Variants in NTM observed in about 807,000 individuals in gnomAD.
NTM encodes the protein IgLON family member 2.
In NTM, 13 loss-of-function variants were observed where a neutral mutation model predicts 42.1. The observed-to-expected ratio is 0.31, with a 90% CI of 0.20 to 0.49. The LOEUF (loss-of-function observed/expected upper bound fraction) is 0.49, where lower values mean the gene tolerates loss of function less well. Ranked by LOEUF, NTM falls within the 20% of genes least tolerant of loss-of-function variation. The pLI is 0.99. For synonymous variants in NTM, 187 were observed against 179.2 expected, an observed-to-expected ratio of 1.04 and a Z score of -0.35; for missense variants, 373 against 452.8, an observed-to-expected ratio of 0.82 and a Z score of 1.60.
At chr11:131,585,115 G>A (rs545853475) in intron 1 of NTM, among the ~76,000 whole-genome samples, 4 of 152,340 alleles carry the variant, frequency 2.6e-5, no homozygotes, top group East Asian at 3.9e-4. Context: ...GGAGGAAGAC[G>A]GGGAAGCAGA....
chr11:132,286,688 C>T (rs909949270), intron 4 of NTM, among the ~76,000 whole-genome samples: 4 of 152,168 alleles, frequency 2.6e-5, no homozygotes, highest in African/African-American at 4.8e-5. Flanking sequence ...CCAGAATGAC[C>T]GCATGGCTCT....
chr11:132,126,116 G>A (rs1296355418), intron 2 of NTM, among the ~76,000 whole-genome samples: 1 of 152,108 alleles, frequency 6.6e-6, no homozygotes, highest in African/African-American at 2.4e-5. Context: ...CCACCTGGGT[G>A]TGTGAACGAG....
At chr11:131,940,758 G>T (rs1163606128) in intron 2 of NTM, among the ~76,000 whole-genome samples, 2 of 152,178 alleles carry the variant, frequency 1.3e-5, no homozygotes, top group Non-Finnish European at 2.9e-5. Flanking sequence ...TTTGTGCCCA[G>T]CCAATATTCA....
chr11:131,715,901 G>T (rs1325000930), intron 1 of NTM, among the ~76,000 whole-genome samples: 1 of 152,162 alleles, frequency 6.6e-6, no homozygotes, highest in Non-Finnish European at 1.5e-5. Context: ...TCAATGATTG[G>T]TGTACATTTA....
intron 2 of NTM, among the ~76,000 whole-genome samples, chr11:132,114,624 A>G (rs2063640051): frequency 6.6e-6 from 1 of 152,204 alleles, no homozygotes; most frequent in Admixed American, 6.5e-5. Context: ...AAGGCAGAGA[A>G]GAGTATGTGA....
chr11:131,457,071 A>G (rs1027426589), intron 1 of NTM, among the ~76,000 whole-genome samples: 2 of 152,238 alleles, frequency 1.3e-5, no homozygotes, highest in Non-Finnish European at 2.9e-5. Flanking sequence ...ATGAATATCT[A>G]TCAAGCATAC....
intron 1 of NTM, among the ~76,000 whole-genome samples, chr11:131,565,801 G>A (rs529895501): frequency 6.6e-6 from 1 of 152,294 alleles, no homozygotes; most frequent in African/African-American, 2.4e-5. Context: ...CCTCACTGGA[G>A]TCATCTAGAG....
chr11:131,806,519 G>A (rs1214110944), intron 1 of NTM, among the ~76,000 whole-genome samples: 1 of 152,046 alleles, frequency 6.6e-6, no homozygotes, highest in Non-Finnish European at 1.5e-5. Context: ...TAAAGATTAT[G>A]AGAAAGATTG....
chr11:131,641,014 C>T (rs2065064670), intron 1 of NTM, among the ~76,000 whole-genome samples: 1 of 152,106 alleles, frequency 6.6e-6, no homozygotes, highest in Non-Finnish European at 1.5e-5. Context: ...CTCAAGAGAC[C>T]CGAAATTGGT....
chr11:131,943,729 A>G (rs1173165554), intron 2 of NTM, among the ~76,000 whole-genome samples: 4 of 152,180 alleles, frequency 2.6e-5, no homozygotes, highest in African/African-American at 9.6e-5. Flanking sequence ...CTCTCTCTGT[A>G]GGTGCCAGTT....
intron 1 of NTM, among the ~76,000 whole-genome samples, chr11:131,597,000 C>A (rs2059869275): frequency 6.6e-6 from 1 of 152,092 alleles, no homozygotes; most frequent in Non-Finnish European, 1.5e-5. Flanking sequence ...CTATCAGGAT[C>A]TCTTTTCACA....
At chr11:131,964,387 A>C (rs1297622604) in intron 2 of NTM, among the ~76,000 whole-genome samples, 1 of 152,174 alleles carries the variant, frequency 6.6e-6, no homozygotes, top group Non-Finnish European at 1.5e-5. Flanking sequence ...CAACACTTCT[A>C]CTGTTGAGAT....
chr11:131,810,605 G>C (rs540477803), intron 1 of NTM, among the ~76,000 whole-genome samples: 1 of 152,300 alleles, frequency 6.6e-6, no homozygotes, highest in East Asian at 1.9e-4. Context: ...ACTACTCTGC[G>C]TTTTGCTGGG....
intron 2 of NTM, among the ~76,000 whole-genome samples, chr11:132,007,852 C>T (rs1231941423): frequency 6.6e-6 from 1 of 151,956 alleles, no homozygotes; most frequent in Non-Finnish European, 1.5e-5. Flanking sequence ...GAGGGGCCAA[C>T]TGAGGATGAA....
intron 1 of NTM, among the ~76,000 whole-genome samples, chr11:131,816,915 G>A (rs574407843): frequency 7.9e-5 from 12 of 152,274 alleles, no homozygotes; most frequent in African/African-American, 2.4e-4. Context: ...TAGTTTACAT[G>A]TATTCTGAGT....
chr11:132,180,963 T>A (rs943636620), intron 3 of NTM, among the ~76,000 whole-genome samples: 2 of 152,204 alleles, frequency 1.3e-5, no homozygotes, highest in African/African-American at 4.8e-5. Flanking sequence ...ATCATGTATG[T>A]AAAGTCAATA....
chr11:131,542,892 T>C (rs1322201778), intron 1 of NTM, among the ~76,000 whole-genome samples: 1 of 152,068 alleles, frequency 6.6e-6, no homozygotes, highest in East Asian at 1.9e-4. Flanking sequence ...TTGAGCCCTG[T>C]AGTATGTCTG....
intron 1 of NTM, among the ~76,000 whole-genome samples, chr11:131,524,971 A>T (rs2050254493): frequency 6.6e-6 from 1 of 152,180 alleles, no homozygotes; most frequent in Non-Finnish European, 1.5e-5. Flanking sequence ...GCACCTGCAC[A>T]CAGGAAACCT....
intron 2 of NTM, among the ~76,000 whole-genome samples, chr11:132,126,726 AG>A (rs2065902449): frequency 6.6e-6 from 1 of 152,180 alleles, no homozygotes; most frequent in Non-Finnish European, 1.5e-5. Flanking sequence ...CAGGAGGCAA[AG>A]GGAGAGGGAA....
Sources: allele counts gnomAD v4.1 joint callset (sites outside exome capture counted in the v4.1 genomes callset), GRCh38; gene constraint gnomAD v4.1.1; transcripts MANE v1.5; gene names NCBI Gene and HGNC (gene_info 2026-07-23, HGNC 2026-07-21).